The following SUPT3H variants were observed in gnomAD, a reference collection of about 807,000 sequenced individuals.
SUPT3H encodes transcription initiation protein SPT3 homolog.
A neutral mutation model predicts 44.3 loss-of-function variants in SUPT3H; 44 were observed. The observed-to-expected ratio is 0.99, with a 90% CI of 0.78 to 1.28. The LOEUF is 1.28. Among genes scored for constraint, SUPT3H ranks in the 50% most tolerant of loss-of-function variants. SUPT3H has a pLI of 0.00. For synonymous variants in SUPT3H, 124 were observed against 125.6 expected (o/e 0.99, Z 0.09); for missense variants, 380 against 387.1 (o/e 0.98, Z 0.15).
At chr6:44,819,848 T>C (rs1767168945) in intron 11 of SUPT3H, among the ~76,000 whole-genome samples, 1 of 152,186 alleles carries the variant, frequency 6.6e-6, no homozygotes, top group Admixed American at 6.5e-5. Context: ...TATGAAGTGA[T>C]AAATAATACA....
chr6:45,279,253 T>C (rs1307170265), intron 2 of SUPT3H, among the ~76,000 whole-genome samples: 1 of 152,142 alleles, frequency 6.6e-6, no homozygotes, highest in Admixed American at 6.5e-5. Flanking sequence ...CATTACACTG[T>C]AGAAAATATT....
At chr6:45,093,290 T>C (rs1797379644) in intron 3 of SUPT3H, among the ~76,000 whole-genome samples, 1 of 152,082 alleles carries the variant, frequency 6.6e-6, no homozygotes, top group Admixed American at 6.6e-5. Context: ...TAAAAAGCTA[T>C]ACAGAAATGT....
Position 45,083,541 on chromosome 6 carries a change from CA to C in SUPT3H, c.186+22380del, listed in dbSNP as rs773379856. Among the ~76,000 whole-genome samples the C allele has an allele frequency of 3.9e-4, 59 of 152,084 alleles. 2 individuals are homozygous for C. Among genetic ancestry groups the C allele is most frequent in the Middle Eastern group, 3.4e-3 (1 of 294 alleles). On this transcript the variant is annotated intron_variant, in intron 3 of 10. Transcript: ENST00000371459. The stretch of plus-strand genomic sequence containing the variant: ...TATGGCTTAAAGCAGGGTACAGATT[CA>C]ATGTTATTCCTATCAAACTACCAAC...
chr6:44,921,289 T>C (rs1468656024), intron 10 of SUPT3H, among the ~76,000 whole-genome samples: 1 of 152,228 alleles, frequency 6.6e-6, no homozygotes, highest in Non-Finnish European at 1.5e-5. Context: ...TGCTGTCCTT[T>C]GTATGCGAAG....
At position 44,932,635 on chromosome 6, in the gene SUPT3H, A is replaced by C. The variant is rs752204902; in HGVS notation, c.912+18T>G. 1 of 1,541,284 alleles carries C rather than the reference A, an allele frequency of 6.5e-7. No homozygotes were observed. Among genetic ancestry groups the C allele is most frequent in the Admixed American group, 1.9e-5 (1 of 53,440 alleles). Reference sequence around the variant, plus strand: ...TCATATTATAAATATAACTTTTTATAACTCTGTTATTACGTACTGTGAATG... The same window carrying C: ...TCATATTATAAATATAACTTTTTATCACTCTGTTATTACGTACTGTGAATG... On this transcript the variant is annotated intron_variant, in intron 10 of 10. Transcript: ENST00000371459.
At chr6:45,062,594 G>A (rs979578671) in intron 3 of SUPT3H, among the ~76,000 whole-genome samples, 1 of 152,204 alleles carries the variant, frequency 6.6e-6, no homozygotes, top group African/African-American at 2.4e-5. Context: ...GCGCAGGCCA[G>A]TGGGTGCGCG....
chr6:45,117,461 C>T (rs1290436565), intron 2 of SUPT3H, among the ~76,000 whole-genome samples: 1 of 151,992 alleles, frequency 6.6e-6, no homozygotes, highest in Non-Finnish European at 1.5e-5. Context: ...ATTATAGATT[C>T]CAAAATTTTT....
chr6:45,055,921 T>C (rs1296646475), intron 3 of SUPT3H, among the ~76,000 whole-genome samples: 1 of 152,056 alleles, frequency 6.6e-6, no homozygotes, highest in Non-Finnish European at 1.5e-5. Flanking sequence ...TAGCAAACTC[T>C]GCATATAACA....
chr6:45,353,885 C>A (rs1284192364), intron 2 of SUPT3H, among the ~76,000 whole-genome samples: 1 of 149,532 alleles, frequency 6.7e-6, no homozygotes, highest in Non-Finnish European at 1.5e-5. Flanking sequence ...AAGGTCAGTG[C>A]CTTTAGTATA....
chr6:44,843,927 G>GCGCACACACACACA (rs1771423246), intron 10 of SUPT3H, among the ~76,000 whole-genome samples: 1 of 148,006 alleles, frequency 6.8e-6, no homozygotes, highest in African/African-American at 2.5e-5. Context: ...ACACACACAC[G>GCGCACACACACACA]CACACACACA....
At chr6:44,866,422 C>T (rs138860575) in intron 10 of SUPT3H, among the ~76,000 whole-genome samples, 3 of 151,784 alleles carry the variant, frequency 2.0e-5, no homozygotes, top group Non-Finnish European at 4.4e-5. Context: ...AATTTGAGGA[C>T]AGCCTAGGTA....
rs559939069 is a variant in SUPT3H at position 45,137,474 on chromosome 6, G to A, written c.102-31468C>T. ...TACACCAGGTTTAAATATACCATAT[G>A]TCTATGTATACCAACATATACCAAT... On this transcript the variant is annotated intron_variant, in intron 2 of 10. Coordinates refer to ENST00000371459, the MANE Select transcript of SUPT3H (RefSeq NM_003599.4). Among the ~76,000 whole-genome samples the A allele has an allele frequency of 1.3e-4, 19 of 151,998 alleles. No individual in the cohort carries two copies. The South Asian group carries it at 3.9e-3, about 32-fold the overall frequency.
intron 10 of SUPT3H, among the ~76,000 whole-genome samples, chr6:44,918,722 T>C (rs1768180205): frequency 6.6e-6 from 1 of 152,198 alleles, no homozygotes; most frequent in Non-Finnish European, 1.5e-5. Context: ...AGCCAAACCA[T>C]GTGCATACTG....
intron 2 of SUPT3H, among the ~76,000 whole-genome samples, chr6:45,145,974 T>C (rs1176940539): frequency 2.6e-5 from 4 of 152,128 alleles, no homozygotes; most frequent in African/African-American, 9.7e-5. Flanking sequence ...AGATACCACC[T>C]TACTCCTGTA....
chr6:45,361,574 G>C (rs1794268588), intron 2 of SUPT3H: 1 of 152,110 alleles, frequency 6.6e-6, no homozygotes. Flanking sequence ...AAATTTACAG[G>C]CTGCTTGAGT....
intron 2 of SUPT3H, among the ~76,000 whole-genome samples, chr6:45,157,642 G>T (rs973026627): frequency 6.6e-6 from 1 of 151,744 alleles, no homozygotes; most frequent in South Asian, 2.1e-4. Context: ...TCCAGCTCCC[G>T]GGTTGAAGCT....
chr6:45,086,592 C>T (rs1325020839), intron 3 of SUPT3H, among the ~76,000 whole-genome samples: 1 of 151,906 alleles, frequency 6.6e-6, no homozygotes, highest in Non-Finnish European at 1.5e-5. Flanking sequence ...CATAACAAAG[C>T]ACTGGGATTT....
At chr6:44,842,653 G>T (rs760136639) in intron 10 of SUPT3H, among the ~76,000 whole-genome samples, 13 of 151,988 alleles carry the variant, frequency 8.6e-5, no homozygotes, top group Non-Finnish European at 1.5e-4. Context: ...ATAAAGATAA[G>T]AAAGATTATT....
chr6:45,232,581 C>G (rs1768262984), intron 2 of SUPT3H, among the ~76,000 whole-genome samples: 1 of 152,140 alleles, frequency 6.6e-6, no homozygotes, highest in African/African-American at 2.4e-5. Flanking sequence ...GTGGATTGAG[C>G]AGATGAGAGG....
Sources: allele counts gnomAD v4.1 joint callset (sites outside exome capture counted in the v4.1 genomes callset), GRCh38; gene constraint gnomAD v4.1.1; transcripts MANE v1.5; gene names NCBI Gene and HGNC (gene_info 2026-07-23, HGNC 2026-07-21).